Variants in ALKBH6 observed in about 807,000 individuals in gnomAD.
ALKBH6 encodes alkB homolog 6, nucleotide demethylase.
Under a neutral mutation model 25.1 loss-of-function variants are expected in ALKBH6, and 20 were observed. The ratio of observed to expected loss-of-function variants is 0.80; its 90% CI spans 0.56 to 1.16. The LOEUF is 1.16. Among genes scored for constraint, ALKBH6 ranks in the 50% most tolerant of loss-of-function variants. The pLI is 0.00. For missense variants in ALKBH6, 263 were observed against 326.5 expected (o/e 0.81, Z 1.50); for synonymous variants, 156 against 147.5 (o/e 1.06, Z -0.42).
chr19:36,009,569 A>G lies in ALKBH6; in HGVS notation c.454-16T>C, dbSNP rs1599682528. Reference sequence around the variant, plus strand: ...GAGGCCGAGGCTGCAGGGCGGGTTGAGGGTCAGCAGGGCTCAAGAAGTCGG... The same window carrying G: ...GAGGCCGAGGCTGCAGGGCGGGTTGGGGGTCAGCAGGGCTCAAGAAGTCGG... On this transcript the variant is annotated splice_polypyrimidine_tract_variant and intron_variant, in intron 6 of 6. Coordinates refer to ENST00000378875, the MANE Select transcript of ALKBH6 (RefSeq NM_032878.5). The G allele has an allele frequency of 3.2e-6, 2 of 615,786 alleles. No homozygotes were observed. The highest frequency in any genetic ancestry group is 3.7e-6 in the Non-Finnish European group (2 of 536,306). 38.1% of individuals were successfully genotyped at this position (615,786 alleles called of 1,614,324 possible).
chr19:36,011,542 C>T, intron 3 of ALKBH6, 78 bp from the exon 4 acceptor site: 1 of 1,485,994 alleles, frequency 6.7e-7, no homozygotes, highest in South Asian at 1.2e-5. Context: ...ACATAGGGGC[C>T]TTTACCTCCG....
chr19:36,010,272 G>C lies in ALKBH6; in HGVS notation c.453+295C>G, dbSNP rs1047162076. Reference sequence around the variant, plus strand: ...CATCTGGGAGGAGGTGAGGCCCCCCGAGTTAATGGCGGTGGGGTATCTAAG... The same window carrying C: ...CATCTGGGAGGAGGTGAGGCCCCCCCAGTTAATGGCGGTGGGGTATCTAAG... On this transcript the variant is annotated intron_variant, in intron 6 of 6. Transcript: ENST00000378875. The surrounding 1 kb of genome is among the most constrained non-coding windows in gnomAD (Gnocchi z 5.5). The C allele has an allele frequency of 1.1e-5, 4 of 362,458 alleles. No individual in the cohort carries two copies. The highest frequency in any genetic ancestry group is 1.5e-5 in the Non-Finnish European group (3 of 196,392). The allele number at this position is 362,458 out of a possible 1,614,324, so 22.5% of individuals were successfully genotyped here. A position where few individuals can be genotyped will look rare whatever the true frequency, so the allele number is the denominator to read the frequency against.
At chr19:36,014,021 T>C in intron 1 of ALKBH6, 154 bp downstream of exon 1, 1 of 1,453,296 alleles carries the variant, frequency 6.9e-7, no homozygotes. Context: ...CTCCCAAATC[T>C]TCTTCCCTCC....
chr19:36,011,059 T>A lies in ALKBH6; in HGVS notation c.185-14A>T. The stretch of plus-strand genomic sequence containing the variant: ...GAGGAAGCCCACCTGGGGAAGGCAA[T>A]GGGGTCCTGAGGGCCCCCCTATAGC... On this transcript the variant is annotated splice_polypyrimidine_tract_variant and intron_variant, in intron 4 of 6. Transcript: ENST00000378875. 1.3e-6 allele frequency: 2 copies of A among 1,590,092 alleles called. No individual in the cohort carries two copies. Among genetic ancestry groups the A allele is most frequent in the Non-Finnish European group, 1.7e-6 (2 of 1,167,736 alleles).
In ALKBH6 at chr19:36,013,076, A is replaced by G; in HGVS notation, c.68T>C (p.Ile23Thr). The G allele has an allele frequency of 6.2e-7, 1 of 1,614,048 alleles. No individual in the cohort carries two copies. The highest frequency in any genetic ancestry group is 8.5e-7 in the Non-Finnish European group (1 of 1,179,938). Reference sequence around the variant, plus strand: ...GGAGATGAAGTCAGGGACATAGTAGATTACAGGTGGTGCCTAGGATAGAAA... The same window carrying G: ...GGAGATGAAGTCAGGGACATAGTAGGTTACAGGTGGTGCCTAGGATAGAAA... ...PFRVEQAPPV[I>T]YYVPDFISKE... The change falls in exon 3 of 7, where the codon ATC becomes ACC. Residue 23 changes from isoleucine to threonine, a missense_variant. Around this residue, in one of 3 missense-constraint regions of ALKBH6, gnomAD observed 112 missense variants for 153.0 expected, o/e 0.73. Coordinates refer to ENST00000378875, the MANE Select transcript of ALKBH6 (RefSeq NM_032878.5). The surrounding 1 kb of genome is among the most constrained non-coding windows in gnomAD (Gnocchi z 4.6).
Position 36,009,254 on chromosome 19 carries a change from G to A in ALKBH6, c.*36C>T, listed in dbSNP as rs1968506523. ...GAGTCACAGCAGCCCCAAAGGGGCA[G>A]GAACCTGGGAATCCGAGGGGTCCCG... On this transcript the variant is annotated 3_prime_UTR_variant, in exon 7 of 7. Transcript: ENST00000378875. The A allele has an allele frequency of 1.5e-6, 2 of 1,296,886 alleles. No individual in the cohort carries two copies. The highest frequency in any genetic ancestry group is 2.0e-6 in the Non-Finnish European group (2 of 1,023,564). 80.3% of individuals were successfully genotyped at this position (1,296,886 alleles called of 1,614,324 possible).
intron 4 of ALKBH6, 109 bp downstream of exon 4, chr19:36,011,295 G>C (rs878926311): frequency 7.2e-7 from 1 of 1,395,614 alleles, no homozygotes; most frequent in South Asian, 1.3e-5. Flanking sequence ...GGCTCTTGGG[G>C]CCCCTTGAGC....
rs1968514690 is a variant in ALKBH6, at chr19:36,009,401, T to C, written c.606A>G (p.Ala202=). The C allele has an allele frequency of 8.0e-7, 1 of 1,251,044 alleles. No individual in the cohort carries two copies. The highest frequency in any genetic ancestry group is 1.0e-6 in the Non-Finnish European group (1 of 999,146). The allele number at this position is 1,251,044 out of a possible 1,614,324, so 77.5% of individuals were successfully genotyped here. A position where few individuals can be genotyped will look rare whatever the true frequency, so the allele number is the denominator to read the frequency against. Residue 202 remains alanine (A), a synonymous_variant, in exon 7 of 7, where the codon GCA becomes GCG. Coordinates refer to ENST00000378875, the MANE Select transcript of ALKBH6 (RefSeq NM_032878.5). The part of the protein sequence containing the change: ...LDAASSPPNA[A]ACPSARPGAC... ...CTCCCGGCCGCGCCGACGGGCAGGC[T>C]GCCGCATTGGGCGGCGAGGAGGCGG...
At position 36,011,701 on chromosome 19, in the gene ALKBH6, C is replaced by T. The variant is rs561949529; in HGVS notation, c.124-237G>A. The T allele has an allele frequency of 7.8e-5, 37 of 472,888 alleles. No individual in the cohort carries two copies. In the Middle Eastern group the frequency reaches 4.7e-3, roughly 61 times the overall value. 29.3% of individuals were successfully genotyped at this position (472,888 alleles called of 1,614,324 possible). ...GATTTAGGAATCAGGGCTGCACAAC[C>T]GTGGTCTGAGAGTTGTGGGTCTCAC... is the stretch of plus-strand genomic sequence containing the variant. On this transcript the variant is annotated intron_variant, in intron 3 of 6. Coordinates refer to ENST00000378875, the MANE Select transcript of ALKBH6 (RefSeq NM_032878.5).
In ALKBH6 at chr19:36,010,728, C is replaced by T. The variant is rs1968581878; in HGVS notation, c.337-45G>A. 6.3e-7 allele frequency: 1 copy of T among 1,591,070 alleles called. No homozygotes were observed. ...GCTGGGCAGGGCAGGAGTCCACAACCCCCACCCTCTGGGTCAAAGGGGGGC... is the reference window on the plus strand; with the variant it reads ...GCTGGGCAGGGCAGGAGTCCACAACTCCCACCCTCTGGGTCAAAGGGGGGC... On this transcript the variant is annotated intron_variant, in intron 5 of 6. Coordinates refer to ENST00000378875, the MANE Select transcript of ALKBH6 (RefSeq NM_032878.5). The surrounding 1 kb of genome is among the most constrained non-coding windows in gnomAD (Gnocchi z 5.5).
In ALKBH6 at chr19:36,010,591, T is replaced by C; in HGVS notation, c.429A>G (p.Pro143=). 6.2e-7 allele frequency: 1 copy of C among 1,613,994 alleles called. No individual in the cohort carries two copies. Among genetic ancestry groups the C allele is most frequent in the Non-Finnish European group, 8.5e-7 (1 of 1,179,898 alleles). ...TVLDFYEPRR[P]EDDDPTEQPR... is the part of the protein sequence containing the mutation. ...CCTGTTCTGTAGGGTCATCGTCCTC[T>C]GGCCGCCGCGGCTCGTAGAAGTCCA... The change falls in exon 6 of 7, where the codon CCA becomes CCG. Residue 143 remains proline (P), a synonymous_variant. Coordinates refer to ENST00000378875, the MANE Select transcript of ALKBH6 (RefSeq NM_032878.5). The surrounding 1 kb of genome is among the most constrained non-coding windows in gnomAD (Gnocchi z 5.5).
rs1437740697 is a variant in ALKBH6, at chr19:36,013,199, G to A, written c.55-110C>T. The A allele has an allele frequency of 7.0e-7, 1 of 1,438,522 alleles. No individual in the cohort carries two copies. Among genetic ancestry groups the A allele is most frequent in the Non-Finnish European group, 9.7e-7 (1 of 1,026,688 alleles). The allele number at this position is 1,438,522 out of a possible 1,614,324, so 89.1% of individuals were successfully genotyped here. A position where few individuals can be genotyped will look rare whatever the true frequency, so the allele number is the denominator to read the frequency against. On this transcript the variant is annotated intron_variant, in intron 2 of 6. Coordinates refer to ENST00000378875, the MANE Select transcript of ALKBH6 (RefSeq NM_032878.5). The surrounding 1 kb of genome is among the most constrained non-coding windows in gnomAD (Gnocchi z 4.6). ...ACAGGCTCAGGATGTCCTCAGACAG[G>A]TCAGGGTCTAAAGTCAAGGGACCAG...
In ALKBH6 at chr19:36,010,307, G is replaced by A; in HGVS notation, c.453+260C>T. On this transcript the variant is annotated intron_variant, in intron 6 of 6. Transcript: ENST00000378875. This position sits in a 1 kb window ranked among gnomAD's most constrained non-coding sequence, Gnocchi z 5.5. ...CGGTGGGGTATCTAAGGATATCAGT[G>A]TCTGCTGGGGAGTCAGGGGTATCCA... 2.1e-6 allele frequency: 1 copy of A among 475,816 alleles called. No homozygotes were observed. Among genetic ancestry groups the A allele is most frequent in the South Asian group, 2.7e-5 (1 of 37,710 alleles). The allele number at this position is 475,816 out of a possible 1,614,324, so 29.5% of individuals were successfully genotyped here. A position where few individuals can be genotyped will look rare whatever the true frequency, so the allele number is the denominator to read the frequency against.
Position 36,009,598 on chromosome 19 carries a change from G to C in ALKBH6, c.454-45C>G, listed in dbSNP as rs1038269549. The C allele has an allele frequency of 6.1e-6, 7 of 1,143,672 alleles. 1 individual carries two copies. The highest frequency in any genetic ancestry group is 8.4e-5 in the Admixed American group (2 of 23,702). The allele number at this position is 1,143,672 out of a possible 1,614,324, so 70.8% of individuals were successfully genotyped here. Reference sequence around the variant, plus strand: ...TCAGCAGGGCTCAAGAAGTCGGGGGGTGGGGGTGGGCGAGAGGTCGGTAGC... The same window carrying C: ...TCAGCAGGGCTCAAGAAGTCGGGGGCTGGGGGTGGGCGAGAGGTCGGTAGC... On this transcript the variant is annotated intron_variant, in intron 6 of 6. Transcript: ENST00000378875.
Position 36,009,223 on chromosome 19 carries a change from G to C in ALKBH6, c.*67C>G. ...AGCCCCCTTTGCCCACGGTTCCTAG[G>C]TCGCGGAGTCACAGCAGCCCCAAAG... On this transcript the variant is annotated 3_prime_UTR_variant, in exon 7 of 7. Coordinates refer to ENST00000378875, the MANE Select transcript of ALKBH6 (RefSeq NM_032878.5). 8.0e-7 allele frequency: 1 copy of C among 1,254,320 alleles called. No individual in the cohort carries two copies. The highest frequency in any genetic ancestry group is 1.0e-6 in the Non-Finnish European group (1 of 1,000,560). 77.7% of individuals were successfully genotyped at this position (1,254,320 alleles called of 1,614,324 possible). A position where few individuals can be genotyped will look rare whatever the true frequency, so the allele number is the denominator to read the frequency against.
Position 36,010,526 on chromosome 19 carries a change from G to C in ALKBH6, c.453+41C>G. 1 of 1,551,512 alleles carries C rather than the reference G, an allele frequency of 6.4e-7. No homozygotes were observed. The highest frequency in any genetic ancestry group is 8.9e-7 in the Non-Finnish European group (1 of 1,126,288). ...GTCATCTTGGAGGATGTGCGAGGTT[G>C]AAGTGCCTACAAGCAGCTGGGGCAG... On this transcript the variant is annotated intron_variant, in intron 6 of 6. Coordinates refer to ENST00000378875, the MANE Select transcript of ALKBH6 (RefSeq NM_032878.5). This position sits in a 1 kb window ranked among gnomAD's most constrained non-coding sequence, Gnocchi z 5.5.
In ALKBH6 at chr19:36,010,475, A is replaced by G; in HGVS notation, c.453+92T>C. On this transcript the variant is annotated intron_variant, in intron 6 of 6. Coordinates refer to ENST00000378875, the MANE Select transcript of ALKBH6 (RefSeq NM_032878.5). The surrounding 1 kb of genome is among the most constrained non-coding windows in gnomAD (Gnocchi z 5.5). ...GGAAGGTATCTGGGAGAGTGCCAGG[A>G]GTACCCCGAAGGCATGTGGGACCAG... is the stretch of plus-strand genomic sequence containing the variant. The G allele has an allele frequency of 2.7e-6, 3 of 1,101,412 alleles. No homozygotes were observed. Among genetic ancestry groups the G allele is most frequent in the Admixed American group, 1.8e-5 (1 of 56,122 alleles). 68.2% of individuals were successfully genotyped at this position (1,101,412 alleles called of 1,614,324 possible).
At chr19:36,011,756 G>T in intron 3 of ALKBH6, 2 of 303,392 alleles carry the variant, frequency 6.6e-6, no homozygotes, top group Non-Finnish European at 1.3e-5. Context: ...GGCTGGACAG[G>T]GCTCTTTCAG....
Position 36,013,901 on chromosome 19 carries a change from A to C in ALKBH6, c.-26+274T>G. The stretch of plus-strand genomic sequence containing the variant: ...GTGACCCCAATCTGAGCCTCCTCAG[A>C]CATGTCCACCCTCAGCCTCCTCGGA... On this transcript the variant is annotated intron_variant, in intron 1 of 6. Transcript: ENST00000378875. The surrounding 1 kb of genome is among the most constrained non-coding windows in gnomAD (Gnocchi z 4.6). 1 of 1,350,328 alleles carries C rather than the reference A, an allele frequency of 7.4e-7. No individual in the cohort carries two copies. Among genetic ancestry groups the C allele is most frequent in the Non-Finnish European group, 9.5e-7 (1 of 1,056,120 alleles). 83.6% of individuals were successfully genotyped at this position (1,350,328 alleles called of 1,614,324 possible). A position where few individuals can be genotyped will look rare whatever the true frequency, so the allele number is the denominator to read the frequency against.
Sources: allele counts gnomAD v4.1 joint callset, GRCh38; gene constraint gnomAD v4.1.1; regional missense constraint gnomAD v4.1.1; non-coding constraint Gnocchi (gnomAD v3.1); transcripts MANE v1.5; gene names NCBI Gene and HGNC (gene_info 2026-07-23, HGNC 2026-07-21).